The following LPAR1 variants were observed in gnomAD, a reference collection of about 807,000 sequenced individuals.
LPAR1 encodes LPA receptor 1.
In LPAR1, 5 loss-of-function variants were observed where a neutral mutation model predicts 23.8. The observed-to-expected ratio is 0.21, with a 90% CI of 0.11 to 0.44. The LOEUF (loss-of-function observed/expected upper bound fraction) is 0.44. Among genes scored for constraint, LPAR1 ranks in the 20% least tolerant of loss-of-function variants. The pLI, the probability that LPAR1 is intolerant of heterozygous loss-of-function variation, is 0.99. For synonymous variants in LPAR1, 160 were observed against 164.7 expected (o/e 0.97, Z 0.22); for missense variants, 311 against 482.8 (o/e 0.64, Z 3.33).
At chr9:110,932,367 TA>T (rs1236422269) in intron 5 of LPAR1, among the ~76,000 whole-genome samples, 1 of 152,218 alleles carries the variant, frequency 6.6e-6, no homozygotes, top group Non-Finnish European at 1.5e-5. Flanking sequence ...ATTTTCTTTG[TA>T]AGTAAATGAC....
chr9:111,031,466 C>T (rs2097794316), intron 2 of LPAR1, among the ~76,000 whole-genome samples: 1 of 151,014 alleles, frequency 6.6e-6, no homozygotes, highest in Middle Eastern at 3.4e-3. Flanking sequence ...AAAAAAATAG[C>T]CAGGCATAGC....
chr9:111,004,479 C>T (rs76091123), intron 2 of LPAR1, among the ~76,000 whole-genome samples: 1 of 152,254 alleles, frequency 6.6e-6, no homozygotes, highest in East Asian at 1.9e-4. Flanking sequence ...CCATGGCTTC[C>T]TCCACCCCAA....
chr9:111,017,975 C>T (rs1336959939), intron 2 of LPAR1, among the ~76,000 whole-genome samples: 3 of 151,888 alleles, frequency 2.0e-5, no homozygotes, highest in East Asian at 1.9e-4. Context: ...GCCGAGATGG[C>T]GCCACTGCAC....
intron 5 of LPAR1, among the ~76,000 whole-genome samples, chr9:110,885,282 G>A (rs889499937): frequency 3.3e-5 from 5 of 152,152 alleles, no homozygotes; most frequent in Non-Finnish European, 5.9e-5. Flanking sequence ...TTCAAGGAAT[G>A]TCTATTCGTT....
intron 5 of LPAR1, among the ~76,000 whole-genome samples, chr9:110,932,643 G>T (rs140749668): frequency 6.6e-6 from 1 of 152,392 alleles, no homozygotes; most frequent in Non-Finnish European, 1.5e-5. Context: ...CAGCAGATGC[G>T]CAAGCATTAC....
chr9:110,908,362 C>G (rs896466039), intron 5 of LPAR1, among the ~76,000 whole-genome samples: 22 of 149,402 alleles, frequency 1.5e-4, no homozygotes, highest in Non-Finnish European at 8.9e-5. Flanking sequence ...TAAATTGATA[C>G]TAAGTTATTG....
At chr9:111,012,424 A>G (rs2140665266) in intron 2 of LPAR1, among the ~76,000 whole-genome samples, 1 of 151,834 alleles carries the variant, frequency 6.6e-6, no homozygotes, top group African/African-American at 2.4e-5. Flanking sequence ...CCGAATTGTT[A>G]TTGTTTTAAC....
chr9:111,007,510 T>A (rs546573795), intron 2 of LPAR1, among the ~76,000 whole-genome samples: 117 of 152,272 alleles, frequency 7.7e-4, no homozygotes, highest in Non-Finnish European at 1.2e-3. Context: ...AAATGATCGA[T>A]GAGCATAAGA....
At chr9:111,029,351 G>A (rs888269430) in intron 2 of LPAR1, among the ~76,000 whole-genome samples, 3 of 152,010 alleles carry the variant, frequency 2.0e-5, no homozygotes, top group Non-Finnish European at 2.9e-5. Context: ...TCATGCTCTC[G>A]TGTCCTGTCT....
intron 5 of LPAR1, among the ~76,000 whole-genome samples, chr9:110,891,116 C>T (rs888155919): frequency 5.9e-5 from 9 of 152,082 alleles, no homozygotes; most frequent in African/African-American, 2.2e-4. Flanking sequence ...ATAAGTTGTC[C>T]TCAGATTGCC....
chr9:111,036,349 G>A (rs929806754), intron 1 of LPAR1, 148 bp from the exon 2 acceptor site: 6 of 151,106 alleles, frequency 4.0e-5, no homozygotes, highest in Admixed American at 3.9e-4. Flanking sequence ...TGAGGTGGGG[G>A]AAGTATTATT....
At chr9:110,984,341 T>C (rs1284381321) in intron 2 of LPAR1, among the ~76,000 whole-genome samples, 1 of 152,144 alleles carries the variant, frequency 6.6e-6, no homozygotes, top group East Asian at 1.9e-4. Context: ...AGTTTATCTG[T>C]GACTAGCTTA....
chr9:110,883,172 A>T (rs555141), intron 5 of LPAR1, among the ~76,000 whole-genome samples: 58,801 of 151,876 alleles, frequency 0.39, 11,676 homozygotes, highest in East Asian at 0.52. Context: ...CCTGAATAGC[A>T]GGGATTACAG....
chr9:110,895,248 C>A (rs1367768076), intron 5 of LPAR1, among the ~76,000 whole-genome samples: 1 of 152,166 alleles, frequency 6.6e-6, no homozygotes, highest in Non-Finnish European at 1.5e-5. Flanking sequence ...CTTTAGAGAG[C>A]CTGGGAAGAC....
chr9:110,907,512 A>G (rs2091531638), intron 5 of LPAR1, among the ~76,000 whole-genome samples: 1 of 152,200 alleles, frequency 6.6e-6, no homozygotes, highest in Non-Finnish European at 1.5e-5. Context: ...CTTTTCTGTA[A>G]CAATGTTAAA....
chr9:111,032,047 T>C (rs1425648139), intron 2 of LPAR1, among the ~76,000 whole-genome samples: 3 of 152,212 alleles, frequency 2.0e-5, no homozygotes, highest in African/African-American at 7.2e-5. Flanking sequence ...CCTGCAGTGC[T>C]ATCTTCCCAG....
At chr9:110,957,096 A>G (rs1375938608) in intron 4 of LPAR1, among the ~76,000 whole-genome samples, 2 of 152,138 alleles carry the variant, frequency 1.3e-5, no homozygotes, top group Non-Finnish European at 2.9e-5. Flanking sequence ...CGTTGGGCTC[A>G]GTGGCTCATG....
chr9:110,904,079 A>C (rs1324714868), intron 5 of LPAR1, among the ~76,000 whole-genome samples: 2 of 152,154 alleles, frequency 1.3e-5, no homozygotes, highest in Non-Finnish European at 2.9e-5. Flanking sequence ...ACTATACTTC[A>C]AGAATGAAGG....
At chr9:110,960,444 G>T (rs572892096) in intron 4 of LPAR1, among the ~76,000 whole-genome samples, 64 of 152,238 alleles carry the variant, frequency 4.2e-4, no homozygotes, top group Admixed American at 1.6e-3. Context: ...TTAATGGTCT[G>T]GGCAAAGAGG....
Sources: allele counts gnomAD v4.1 joint callset (sites outside exome capture counted in the v4.1 genomes callset), GRCh38; gene constraint gnomAD v4.1.1; transcripts MANE v1.5; gene names NCBI Gene and HGNC (gene_info 2026-07-23, HGNC 2026-07-21).